Variants in PTPN9 observed in about 807,000 individuals in gnomAD.
PTPN9 encodes protein tyrosine phosphatase non-receptor type 9, also known as tyrosine-protein phosphatase non-receptor type 9.
In PTPN9, 26 loss-of-function variants were observed where a neutral mutation model predicts 69.8. That is an observed-to-expected ratio of 0.37 (90% CI 0.27 to 0.52). The LOEUF (loss-of-function observed/expected upper bound fraction) is 0.52, where lower values mean the gene tolerates loss of function less well. Ranked by LOEUF, PTPN9 falls within the 20% of genes least tolerant of loss-of-function variation. PTPN9 has a pLI of 0.91. For missense variants in PTPN9, 549 were observed against 740.3 expected (o/e 0.74, Z 3.00); for synonymous variants, 274 against 272.5 (o/e 1.01, Z -0.05).
intron 6 of PTPN9, among the ~76,000 whole-genome samples, chr15:75,508,158 C>T (rs1233750570): frequency 2.0e-5 from 3 of 151,732 alleles, no homozygotes; most frequent in Admixed American, 2.0e-4. Context: ...TTAATTGCTG[C>T]AATCAGTAAC....
At chr15:75,526,403 G>A (rs567256074) in intron 2 of PTPN9, among the ~76,000 whole-genome samples, 31 of 152,224 alleles carry the variant, frequency 2.0e-4, no homozygotes, top group African/African-American at 7.2e-4. Flanking sequence ...CAAGACAGAT[G>A]TAACCAAACT....
At chr15:75,573,269 A>G (rs2075157150) in intron 1 of PTPN9, among the ~76,000 whole-genome samples, 1 of 152,210 alleles carries the variant, frequency 6.6e-6, no homozygotes, top group African/African-American at 2.4e-5. Flanking sequence ...GGGACGATTA[A>G]TTGCATGTGA....
intron 9 of PTPN9, among the ~76,000 whole-genome samples, chr15:75,479,237 G>A (rs1235012881): frequency 6.6e-6 from 1 of 152,174 alleles, no homozygotes; most frequent in African/African-American, 2.4e-5. Flanking sequence ...AACCCGGGAG[G>A]TGGAGGTTGC....
At chr15:75,575,764 GA>G (rs1262364740) in intron 1 of PTPN9, among the ~76,000 whole-genome samples, 23 of 143,882 alleles carry the variant, frequency 1.6e-4, no homozygotes, top group African/African-American at 5.2e-4. Context: ...CTAAAAATAT[GA>G]AAAATTAGCC....
At chr15:75,555,031 T>C (rs2141337081) in intron 1 of PTPN9, among the ~76,000 whole-genome samples, 1 of 152,344 alleles carries the variant, frequency 6.6e-6, no homozygotes, top group South Asian at 2.1e-4. Context: ...GGACATCAGG[T>C]ATCTCAATGC....
At chr15:75,503,523 C>A (rs2141307776) in intron 7 of PTPN9, among the ~76,000 whole-genome samples, 1 of 149,668 alleles carries the variant, frequency 6.7e-6, no homozygotes, top group South Asian at 2.1e-4. Flanking sequence ...CGCCCGGCAG[C>A]CGCCCCGTCC....
chr15:75,530,492 A>T (rs2074951491), intron 1 of PTPN9, among the ~76,000 whole-genome samples: 1 of 91,238 alleles, frequency 1.1e-5, no homozygotes, highest in African/African-American at 4.5e-5. Context: ...ATATATTATA[A>T]TATATTATAT....
intron 5 of PTPN9, among the ~76,000 whole-genome samples, chr15:75,511,404 A>G (rs558906363): frequency 2.1e-4 from 32 of 152,204 alleles, no homozygotes; most frequent in African/African-American, 7.7e-4. Flanking sequence ...ATGCCTGTCT[A>G]ATTTTGTATT....
At chr15:75,548,942 C>T (rs1429178511) in intron 1 of PTPN9, among the ~76,000 whole-genome samples, 2 of 151,928 alleles carry the variant, frequency 1.3e-5, no homozygotes, top group Non-Finnish European at 2.9e-5. Context: ...CATGAGCCAC[C>T]ACACCCAGCC....
intron 1 of PTPN9, among the ~76,000 whole-genome samples, chr15:75,559,783 A>AAAAAG (rs925206692): frequency 0.025 from 3,541 of 142,450 alleles, 161 homozygotes; most frequent in African/African-American, 0.081. Flanking sequence ...AAAAAAAAAA[A>AAAAAG]AAGAAGAAAG....
At chr15:75,503,858 G>T (rs1338341072) in intron 7 of PTPN9, among the ~76,000 whole-genome samples, 11 of 119,468 alleles carry the variant, frequency 9.2e-5, no homozygotes, top group African/African-American at 3.0e-4. Context: ...GGAGGTGAGG[G>T]GGGGTCAGCC....
intron 1 of PTPN9, among the ~76,000 whole-genome samples, chr15:75,554,440 C>T (rs561085896): frequency 6.6e-6 from 1 of 152,098 alleles, no homozygotes; most frequent in Non-Finnish European, 1.5e-5. Flanking sequence ...GTGATCCGCC[C>T]GCCTCAGCCT....
intron 4 of PTPN9, among the ~76,000 whole-genome samples, chr15:75,520,476 AG>A (rs1567499983): frequency 1.4e-4 from 21 of 148,700 alleles, no homozygotes; most frequent in African/African-American, 5.3e-4. Flanking sequence ...ATAGATAGAT[AG>A]ATAGATGTGT....
intron 1 of PTPN9, among the ~76,000 whole-genome samples, chr15:75,538,252 C>T (rs769412963): frequency 5.3e-5 from 8 of 152,074 alleles, no homozygotes; most frequent in African/African-American, 1.7e-4. Context: ...AAATGCACTG[C>T]GTAAAATCCA....
At chr15:75,535,364 C>T (rs2074978679) in intron 1 of PTPN9, among the ~76,000 whole-genome samples, 1 of 152,174 alleles carries the variant, frequency 6.6e-6, no homozygotes, top group African/African-American at 2.4e-5. Flanking sequence ...AAAGAAAAAG[C>T]TGAGGCCAGA....
intron 1 of PTPN9, among the ~76,000 whole-genome samples, chr15:75,530,657 A>T (rs1308486292): frequency 2.6e-4 from 9 of 34,244 alleles, no homozygotes; most frequent in African/African-American, 6.1e-4. Context: ...ATATATTATT[A>T]TATAATATAC....
intron 5 of PTPN9, among the ~76,000 whole-genome samples, chr15:75,515,525 T>C (rs2074865210): frequency 6.6e-6 from 1 of 152,044 alleles, no homozygotes; most frequent in East Asian, 1.9e-4. Context: ...CCCAACACTT[T>C]GGGAGGCCAA....
Position 75,558,986 on chromosome 15 carries a change from A to G in PTPN9, c.63+19728T>C, listed in dbSNP as rs539834105. On this transcript the variant is annotated intron_variant, in intron 1 of 12. Coordinates refer to ENST00000618819, the MANE Select transcript of PTPN9 (RefSeq NM_002833.4). ...AAGTGAGGAGCGTCTCTGCCTGGCC[A>G]CCCATCGTCTGGGATGTGAGGATCC... is the stretch of plus-strand genomic sequence containing the variant. Among the ~76,000 whole-genome samples the G allele has an allele frequency of 5.3e-5, 8 of 151,130 alleles. No individual in the cohort carries two copies. The East Asian group carries it at 1.6e-3, about 29-fold the overall frequency.
At chr15:75,476,605 G>A (rs1166708413) in intron 9 of PTPN9, among the ~76,000 whole-genome samples, 2 of 152,164 alleles carry the variant, frequency 1.3e-5, no homozygotes, top group South Asian at 4.1e-4. Context: ...TTGAGCCACC[G>A]TGCCCGGCCT....
Sources: gnomAD v4.1 joint callset for allele counts (sites outside exome capture counted in the v4.1 genomes callset) on GRCh38, gnomAD v4.1.1 for gene constraint, MANE v1.5 for transcripts, NCBI Gene and HGNC (gene_info 2026-07-23, HGNC 2026-07-21) for gene names.